EBPL: variants seen among roughly 807,000 people sequenced by gnomAD.
EBPL encodes EBP like, also known as emopamil-binding protein-like.
A neutral mutation model predicts 19.0 loss-of-function variants in EBPL; 20 were observed. The observed-to-expected ratio is 1.05, with a 90% CI of 0.74 to 1.53. The LOEUF (loss-of-function observed/expected upper bound fraction) is 1.53. Among genes scored for constraint, EBPL ranks in the 40% most tolerant of loss-of-function variants. EBPL has a pLI of 0.00. For synonymous variants in EBPL, 107 were observed against 117.0 expected, an observed-to-expected ratio of 0.91 and a Z score of 0.55; for missense variants, 219 against 261.1, an observed-to-expected ratio of 0.84 and a Z score of 1.11.
Position 49,674,858 on chromosome 13 carries a change from T to C in EBPL, c.172-5012A>G, listed in dbSNP as rs114282809. ...CTGCTCAGCCCTGTGGCACAAACAG[T>C]AGTGCTCAGGGGTACTGTGTACATT... is the stretch of plus-strand genomic sequence containing the variant. On this transcript the variant is annotated intron_variant, in intron 1 of 3. Coordinates refer to ENST00000242827, the MANE Select transcript of EBPL (RefSeq NM_032565.5). 4.3e-3 allele frequency among the ~76,000 whole-genome samples: 651 copies of C among 152,244 alleles called. 5 individuals carry two copies. Among genetic ancestry groups the C allele is most frequent in the African/African-American group, 0.015 (617 of 41,542 alleles).
At chr13:49,664,652 C>T (rs942757505) in intron 2 of EBPL, among the ~76,000 whole-genome samples, 20 of 152,186 alleles carry the variant, frequency 1.3e-4, no homozygotes, top group African/African-American at 3.6e-4. Flanking sequence ...GATCACACCT[C>T]GTCTCCCCCT....
chr13:49,668,225 A>T (rs1298642566), intron 2 of EBPL: 1 of 159,272 alleles, frequency 6.3e-6, no homozygotes, highest in Non-Finnish European at 1.4e-5. Flanking sequence ...ACTAGTGGTA[A>T]ACAGGAGTCC....
chr13:49,691,366 G>T lies in EBPL; in HGVS notation c.59C>A (p.Ala20Glu). 1 of 1,362,052 alleles carries T rather than the reference G, an allele frequency of 7.3e-7. No homozygotes were observed. The highest frequency in any genetic ancestry group is 9.5e-7 in the Non-Finnish European group (1 of 1,054,520). The allele number at this position is 1,362,052 out of a possible 1,614,324, so 84.4% of individuals were successfully genotyped here. ...EAGGSLLLCA[A>E]LLAAGCALGL... ...CAGGGCGCAGCCCGCCGCCAGCAGC[G>T]CGGCGCACAGCAGCAGCGAACCGCC... Residue 20 changes from alanine to glutamate, a missense_variant, in exon 1 of 4, where the codon GCG becomes GAG. Ala to Glu is a moderately radical substitution (Grantham distance 107). Transcript: ENST00000242827.
chr13:49,687,470 C>T (rs1954010925), intron 1 of EBPL, among the ~76,000 whole-genome samples: 1 of 152,188 alleles, frequency 6.6e-6, no homozygotes, highest in Admixed American at 6.5e-5. Flanking sequence ...ACATCCTGCA[C>T]TGTCTGGGTC....
chr13:49,674,780 G>A (rs554455145), intron 1 of EBPL, among the ~76,000 whole-genome samples: 1 of 152,278 alleles, frequency 6.6e-6, no homozygotes, highest in Non-Finnish European at 1.5e-5. Context: ...GAGGTAGGAG[G>A]ACAGGGATGG....
intron 1 of EBPL, among the ~76,000 whole-genome samples, chr13:49,682,313 A>G (rs1953951118): frequency 1.3e-5 from 2 of 152,196 alleles, no homozygotes; most frequent in Non-Finnish European, 2.9e-5. Flanking sequence ...TTAAGAATAT[A>G]CCCTTCTCTG....
chr13:49,671,490 G>C (rs764966279), intron 1 of EBPL, among the ~76,000 whole-genome samples: 1 of 152,066 alleles, frequency 6.6e-6, no homozygotes, highest in Non-Finnish European at 1.5e-5. Context: ...GAGAAAAATA[G>C]CTGTGTTTTT....
rs1334393684 is a variant in EBPL, at chr13:49,663,049, G to A, written c.380+8C>T. 5 of 1,613,226 alleles carry A rather than the reference G, an allele frequency of 3.1e-6. No homozygotes were observed. The highest frequency in any genetic ancestry group is 1.8e-4 in the Middle Eastern group (1 of 5,462). ...CTCCTTCCAGCAGGACAGAAGAAGG[G>A]CACCTACCGGTAATATTTTTCTTTG... On this transcript the variant is annotated splice_region_variant and intron_variant, in intron 3 of 3. Transcript: ENST00000242827.
In EBPL at chr13:49,691,446, C is replaced by T. The variant is rs755761894; in HGVS notation, c.-22G>A. 7.7e-6 allele frequency: 10 copies of T among 1,307,172 alleles called. No homozygotes were observed. The East Asian group carries it at 2.6e-4, about 33-fold the overall frequency. 81.0% of individuals were successfully genotyped at this position (1,307,172 alleles called of 1,614,324 possible). ...CCATGCTTCAGGCTTCCGACGCCAACGGCCCAGGACCATGCGGCAGAGGAA... is the reference window on the plus strand; with the variant it reads ...CCATGCTTCAGGCTTCCGACGCCAATGGCCCAGGACCATGCGGCAGAGGAA... On this transcript the variant is annotated 5_prime_UTR_variant, in exon 1 of 4. Transcript: ENST00000242827.
At chr13:49,665,300 C>T (rs1965210602) in intron 2 of EBPL, among the ~76,000 whole-genome samples, 1 of 152,094 alleles carries the variant, frequency 6.6e-6, no homozygotes, top group African/African-American at 2.4e-5. Context: ...GAGACGGAGT[C>T]TCACTTTGTC....
chr13:49,666,888 AAAAAAAAAG>A (rs991952728), intron 2 of EBPL, among the ~76,000 whole-genome samples: 4 of 48,006 alleles, frequency 8.3e-5, no homozygotes, highest in African/African-American at 2.3e-4. Flanking sequence ...GACTCTGTTA[AAAAAAAAAG>A]AAAAAAAAAA....
intron 1 of EBPL, 42 bp from the exon 2 acceptor site, chr13:49,669,888 C>T (rs768627003): frequency 2.0e-6 from 3 of 1,513,112 alleles, no homozygotes; most frequent in Admixed American, 1.7e-5. Context: ...TACAGCATCA[C>T]AACCACAGGA....
At chr13:49,662,501 G>A (rs1461344852) in intron 3 of EBPL, among the ~76,000 whole-genome samples, 5 of 152,182 alleles carry the variant, frequency 3.3e-5, no homozygotes, top group African/African-American at 7.2e-5. Flanking sequence ...ATCCAAGAGC[G>A]TTAGCACCAT....
intron 1 of EBPL, among the ~76,000 whole-genome samples, chr13:49,678,300 C>T (rs922855171): frequency 1.3e-5 from 2 of 152,228 alleles, no homozygotes; most frequent in African/African-American, 4.8e-5. Context: ...GGGCCGTGGG[C>T]AGAGCTACCC....
intron 1 of EBPL, among the ~76,000 whole-genome samples, chr13:49,670,604 T>A (rs1277549194): frequency 6.6e-6 from 1 of 152,190 alleles, no homozygotes; most frequent in Non-Finnish European, 1.5e-5. Context: ...CTCAATCACA[T>A]CTCTTTGCAG....
At chr13:49,684,573 G>C (rs1256124469) in intron 1 of EBPL, among the ~76,000 whole-genome samples, 1 of 152,194 alleles carries the variant, frequency 6.6e-6, no homozygotes, top group African/African-American at 2.4e-5. Context: ...TATTTGGGAG[G>C]CTGAGGCAGG....
chr13:49,676,389 A>C (rs969171975), intron 1 of EBPL, among the ~76,000 whole-genome samples: 11 of 152,116 alleles, frequency 7.2e-5, no homozygotes, highest in Admixed American at 2.0e-4. Flanking sequence ...CAGGAGATCG[A>C]GACCATCCTG....
At chr13:49,689,985 A>G (rs919580516) in intron 1 of EBPL, among the ~76,000 whole-genome samples, 4 of 152,008 alleles carry the variant, frequency 2.6e-5, no homozygotes, top group African/African-American at 9.7e-5. Context: ...CCTCATCTCT[A>G]CTAAAAACAC....
chr13:49,663,753 T>G (rs1036158212), intron 2 of EBPL, among the ~76,000 whole-genome samples: 1 of 145,906 alleles, frequency 6.9e-6, no homozygotes, highest in Admixed American at 7.0e-5. Flanking sequence ...CTGGCCAACA[T>G]GGTGAAACCC....
Sources: allele counts gnomAD v4.1 joint callset (sites outside exome capture counted in the v4.1 genomes callset), GRCh38; gene constraint gnomAD v4.1.1; transcripts MANE v1.5; gene names NCBI Gene and HGNC (gene_info 2026-07-23, HGNC 2026-07-21).